Variants in CNTNAP4 observed in about 807,000 individuals in gnomAD.
CNTNAP4 encodes the protein contactin-associated protein-like 4.
In CNTNAP4, 98 loss-of-function variants were observed where a neutral mutation model predicts 148.4. That is an observed-to-expected ratio of 0.66 (90% CI 0.56 to 0.78). The LOEUF (loss-of-function observed/expected upper bound fraction) is 0.78. Among genes scored for constraint, CNTNAP4 ranks in the 30% least tolerant of loss-of-function variants. The pLI is 0.00. For missense variants in CNTNAP4, 1,935 were observed against 1,565.6 expected (o/e 1.24, Z -3.98); for synonymous variants, 730 against 565.1 (o/e 1.29, Z -4.14).
intron 3 of CNTNAP4, among the ~76,000 whole-genome samples, chr16:76,377,150 CT>C (rs1011549952): frequency 2.6e-5 from 4 of 151,904 alleles, no homozygotes; most frequent in East Asian, 3.9e-4. Flanking sequence ...GGAAGTCAGT[CT>C]TTTTTTTCAT....
chr16:76,522,292 T>C (rs1262960521), intron 17 of CNTNAP4, 35 bp downstream of exon 17: 12 of 1,567,904 alleles, frequency 7.7e-6, no homozygotes, highest in East Asian at 2.2e-5. Context: ...TTTTATTGTA[T>C]GATATGTGTT....
At chr16:76,541,013 G>T (rs1474060190) in intron 21 of CNTNAP4, among the ~76,000 whole-genome samples, 1 of 152,008 alleles carries the variant, frequency 6.6e-6, no homozygotes, top group Non-Finnish European at 1.5e-5. Flanking sequence ...AGGTCACTCT[G>T]GTCTCAGTCC....
chr16:76,398,866 C>G (rs1286781328), intron 3 of CNTNAP4, among the ~76,000 whole-genome samples: 1 of 151,848 alleles, frequency 6.6e-6, no homozygotes, highest in Non-Finnish European at 1.5e-5. Context: ...ATTTATCTCA[C>G]CTTGTGATAT....
chr16:76,335,290 A>T (rs916078760), intron 2 of CNTNAP4, among the ~76,000 whole-genome samples: 2 of 152,158 alleles, frequency 1.3e-5, no homozygotes, highest in Non-Finnish European at 1.5e-5. Flanking sequence ...GTGTGAGATG[A>T]TGTAGAAATA....
intron 1 of CNTNAP4, among the ~76,000 whole-genome samples, chr16:76,299,113 A>G (rs1308507823): frequency 2.0e-5 from 3 of 152,218 alleles, no homozygotes; most frequent in Non-Finnish European, 4.4e-5. Flanking sequence ...CTAAAACACC[A>G]AAAGCAATGG....
chr16:76,456,188 A>G (rs972880376), intron 8 of CNTNAP4, among the ~76,000 whole-genome samples: 1 of 152,162 alleles, frequency 6.6e-6, no homozygotes, highest in African/African-American at 2.4e-5. Context: ...TTTATTGCTT[A>G]TTGCAACACA....
intron 3 of CNTNAP4, among the ~76,000 whole-genome samples, chr16:76,378,689 C>A (rs1330914168): frequency 6.6e-6 from 1 of 152,198 alleles, no homozygotes; most frequent in South Asian, 2.1e-4. Context: ...CCTGACCACA[C>A]TCCAGCTTTC....
intron 17 of CNTNAP4, among the ~76,000 whole-genome samples, chr16:76,535,220 C>CAGAA (rs1021613412): frequency 5.3e-5 from 8 of 152,182 alleles, no homozygotes; most frequent in African/African-American, 1.7e-4. Context: ...TTCAAATTCC[C>CAGAA]AGAAAGTAGT....
At chr16:76,403,779 A>C (rs1489972008) in intron 3 of CNTNAP4, among the ~76,000 whole-genome samples, 1 of 152,220 alleles carries the variant, frequency 6.6e-6, no homozygotes, top group African/African-American at 2.4e-5. Context: ...CACAATAGCA[A>C]AGACATGGAA....
chr16:76,493,520 C>G (rs982407064), intron 13 of CNTNAP4, among the ~76,000 whole-genome samples: 59 of 151,662 alleles, frequency 3.9e-4, no homozygotes, highest in Non-Finnish European at 3.2e-4. Flanking sequence ...GAACCACAGT[C>G]TATACCTTAA....
In CNTNAP4 at chr16:76,521,176, C is replaced by T. The variant is rs762278264; in HGVS notation, c.2402C>T (p.Ala801Val). 2 of 1,605,666 alleles carry T rather than the reference C, an allele frequency of 1.2e-6. No homozygotes were observed. Among genetic ancestry groups the T allele is most frequent in the East Asian group, 2.2e-5 (1 of 44,482 alleles). The change falls in exon 16 of 24, where the codon GCT becomes GTT. Residue 801 changes from alanine to valine, a missense_variant. Physicochemically the swap from Ala to Val is moderately conservative, Grantham distance 64. Transcript: ENST00000611870. ...AATTCAGCTTCCTTTGATACCGAGG[C>T]TTCATATCTTCATTTTCCTACCTTC... is the stretch of plus-strand genomic sequence containing the variant. ...FWNSASFDTE[A>V]SYLHFPTFHG...
chr16:76,360,054 C>T (rs1358013207), intron 3 of CNTNAP4, among the ~76,000 whole-genome samples: 2 of 152,148 alleles, frequency 1.3e-5, no homozygotes, highest in African/African-American at 4.8e-5. Flanking sequence ...GATTGTTAAA[C>T]CCAAGAATAG....
chr16:76,433,353 T>A (rs1263934613), intron 4 of CNTNAP4, among the ~76,000 whole-genome samples: 1 of 152,164 alleles, frequency 6.6e-6, no homozygotes, highest in African/African-American at 2.4e-5. Context: ...AACCATTGTG[T>A]TTAATTGCTT....
chr16:76,364,969 T>G (rs2144579730), intron 3 of CNTNAP4, among the ~76,000 whole-genome samples: 1 of 152,304 alleles, frequency 6.6e-6, no homozygotes, highest in South Asian at 2.1e-4. Flanking sequence ...TCCTGAATGG[T>G]ATTGCCTAGG....
intron 11 of CNTNAP4, among the ~76,000 whole-genome samples, 156 bp downstream of exon 11, chr16:76,476,201 A>G (rs2081570907): frequency 1.3e-5 from 2 of 152,226 alleles, no homozygotes; most frequent in Non-Finnish European, 2.9e-5. Context: ...GATAGCCTAT[A>G]AAAGTACATA....
chr16:76,541,657 C>G (rs2144301912), intron 21 of CNTNAP4, among the ~76,000 whole-genome samples: 1 of 152,224 alleles, frequency 6.6e-6, no homozygotes, highest in African/African-American at 2.4e-5. Context: ...TTGCCTGTAG[C>G]TAATCTCAGA....
chr16:76,335,990 C>T (rs1255118811), intron 2 of CNTNAP4, among the ~76,000 whole-genome samples: 2 of 152,062 alleles, frequency 1.3e-5, no homozygotes, highest in African/African-American at 2.4e-5. Context: ...TGTGACCCTT[C>T]CCCCACCACA....
intron 8 of CNTNAP4, among the ~76,000 whole-genome samples, chr16:76,455,027 G>A (rs1054836770): frequency 3.9e-5 from 6 of 152,012 alleles, no homozygotes; most frequent in Non-Finnish European, 5.9e-5. Context: ...GTACAGTTTT[G>A]CAAATTGTCA....
At chr16:76,448,657 G>T in intron 5 of CNTNAP4, 110 bp from the exon 6 acceptor site, 1 of 749,732 alleles carries the variant, frequency 1.3e-6, no homozygotes, top group Non-Finnish European at 2.1e-6. Context: ...AACGGAATGC[G>T]TAGAAGGAGA....
Sources: gnomAD v4.1 joint callset for allele counts (sites outside exome capture counted in the v4.1 genomes callset) on GRCh38, gnomAD v4.1.1 for gene constraint, MANE v1.5 for transcripts, NCBI Gene and HGNC (gene_info 2026-07-23, HGNC 2026-07-21) for gene names.